The following SKAP2 variants were observed in gnomAD, a reference collection of about 807,000 sequenced individuals.
SKAP2 encodes the protein src kinase associated phosphoprotein 2, also known as src kinase-associated phosphoprotein 2.
In SKAP2, 28 loss-of-function variants were observed where a neutral mutation model predicts 54.9. The observed-to-expected ratio is 0.51, with a 90% CI of 0.38 to 0.70. The LOEUF is 0.70. Ranked by LOEUF, SKAP2 falls within the 30% of genes least tolerant of loss-of-function variation. The pLI is 0.00. For missense variants in SKAP2, 356 were observed against 424.1 expected (o/e 0.84, Z 1.41); for synonymous variants, 137 against 134.3 (o/e 1.02, Z -0.14).
At chr7:26,743,968 T>G (rs912034376) in intron 4 of SKAP2, among the ~76,000 whole-genome samples, 2 of 152,160 alleles carry the variant, frequency 1.3e-5, no homozygotes, top group Non-Finnish European at 2.9e-5. Context: ...AGAATGTGCC[T>G]TAAAGCTTTT....
At chr7:26,853,747 C>G (rs971691337) in intron 3 of SKAP2, among the ~76,000 whole-genome samples, 1 of 152,148 alleles carries the variant, frequency 6.6e-6, no homozygotes, top group Admixed American at 6.5e-5. Flanking sequence ...GACCTTCTCC[C>G]ACCACCACTA....
Position 26,729,530 on chromosome 7 carries a change from G to A in SKAP2, c.470-2524C>T, listed in dbSNP as rs1787777914. ...ATAAAAAGAGGAAAGGCTGAGACAA[G>A]TAGAAATTAAAATGAAACTGGCAAA... On this transcript the variant is annotated intron_variant, in intron 6 of 12. Transcript: ENST00000345317. Among the ~76,000 whole-genome samples, 8 of 152,220 alleles carry A rather than the reference G, an allele frequency of 5.3e-5. No individual in the cohort carries two copies. In the South Asian group the frequency reaches 1.7e-3, roughly 32 times the overall value.
the SKAP2 span, among the ~76,000 whole-genome samples, chr7:26,661,743 G>A: frequency 6.6e-6 from 1 of 152,144 alleles, no homozygotes; most frequent in Non-Finnish European, 1.5e-5. Flanking sequence ...ATTATTTCAA[G>A]TAGTATTACA....
chr7:26,758,850 ATG>A (rs1782861467), intron 4 of SKAP2, among the ~76,000 whole-genome samples: 1 of 152,348 alleles, frequency 6.6e-6, no homozygotes, highest in South Asian at 2.1e-4. Context: ...AAAAATCTCC[ATG>A]TGCTTACAGA....
At chr7:26,713,314 C>T (rs893509237) in intron 9 of SKAP2, among the ~76,000 whole-genome samples, 1 of 152,206 alleles carries the variant, frequency 6.6e-6, no homozygotes. Context: ...TCACCTACTA[C>T]AATCTGTAAC....
intron 4 of SKAP2, among the ~76,000 whole-genome samples, chr7:26,781,556 T>G (rs1783425348): frequency 6.6e-6 from 1 of 152,194 alleles, no homozygotes; most frequent in South Asian, 2.1e-4. Context: ...GACTTATTAA[T>G]GGACACCTTT....
intron 4 of SKAP2, among the ~76,000 whole-genome samples, chr7:26,756,898 T>C (rs1782806348): frequency 6.6e-6 from 1 of 152,238 alleles, no homozygotes; most frequent in Non-Finnish European, 1.5e-5. Flanking sequence ...GGTATCTCAT[T>C]GTGGTTTCGA....
intron 4 of SKAP2, among the ~76,000 whole-genome samples, chr7:26,819,346 T>C (rs1009501882): frequency 5.3e-5 from 8 of 152,050 alleles, no homozygotes; most frequent in Non-Finnish European, 8.8e-5. Context: ...ATGTTCTCAC[T>C]CATAAGTAGG....
intron 4 of SKAP2, among the ~76,000 whole-genome samples, chr7:26,817,633 T>C (rs1208355890): frequency 6.6e-6 from 1 of 151,904 alleles, no homozygotes; most frequent in Non-Finnish European, 1.5e-5. Flanking sequence ...GTTTATTTCT[T>C]TTTAAAAAAT....
rs755716817 is a variant in SKAP2 at position 26,684,724 on chromosome 7, G to A, written c.987+12C>T. The A allele has an allele frequency of 2.6e-6, 4 of 1,532,002 alleles. No homozygotes were observed. The South Asian group carries it at 3.4e-5, about 13-fold the overall frequency. The allele number at this position is 1,532,002 out of a possible 1,614,324, so 94.9% of individuals were successfully genotyped here. A position where few individuals can be genotyped will look rare whatever the true frequency, so the allele number is the denominator to read the frequency against. ...CCCTCTTTACAAACGTCATTTTGGG[G>A]TATCTTCTTACCTTGCTAAGAATGT... On this transcript the variant is annotated intron_variant, in intron 11 of 12. Coordinates refer to ENST00000345317, the MANE Select transcript of SKAP2 (RefSeq NM_003930.5).
intron 4 of SKAP2, among the ~76,000 whole-genome samples, chr7:26,775,798 G>A (rs2127976581): frequency 6.6e-6 from 1 of 152,094 alleles, no homozygotes; most frequent in East Asian, 1.9e-4. Context: ...GTAACCTTTA[G>A]GGATTGACTT....
intron 4 of SKAP2, among the ~76,000 whole-genome samples, chr7:26,833,038 A>G (rs568613510): frequency 2.6e-5 from 4 of 152,246 alleles, no homozygotes; most frequent in Non-Finnish European, 5.9e-5. Flanking sequence ...CTCCATGAGC[A>G]TTGCAACCAA....
intron 4 of SKAP2, among the ~76,000 whole-genome samples, chr7:26,765,415 GGT>G (rs1783030822): frequency 6.6e-6 from 1 of 152,060 alleles, no homozygotes; most frequent in Non-Finnish European, 1.5e-5. Context: ...CCATTCTGTA[GGT>G]TGTCTCCTCA....
chr7:26,772,584 T>A (rs939584605), intron 4 of SKAP2, among the ~76,000 whole-genome samples: 5 of 152,234 alleles, frequency 3.3e-5, no homozygotes, highest in African/African-American at 4.8e-5. Context: ...CTGCATAGTA[T>A]TCTGATATAT....
At chr7:26,834,934 T>C (rs1231521976) in intron 4 of SKAP2, among the ~76,000 whole-genome samples, 1 of 152,044 alleles carries the variant, frequency 6.6e-6, no homozygotes, top group Admixed American at 6.6e-5. Flanking sequence ...AACATTGATG[T>C]AAAAATCCTC....
intron 4 of SKAP2, among the ~76,000 whole-genome samples, chr7:26,820,606 A>T (rs1784367548): frequency 6.6e-6 from 1 of 152,166 alleles, no homozygotes; most frequent in East Asian, 1.9e-4. Flanking sequence ...CCAAATAAAA[A>T]AGATCACAGA....
intron 4 of SKAP2, among the ~76,000 whole-genome samples, chr7:26,834,118 C>A (rs1370301287): frequency 6.6e-6 from 1 of 152,076 alleles, no homozygotes; most frequent in Admixed American, 6.6e-5. Context: ...GAAATTAAGG[C>A]AGAAATAAAT....
intron 11 of SKAP2, among the ~76,000 whole-genome samples, chr7:26,682,008 A>T (rs1049686311): frequency 6.7e-6 from 1 of 150,160 alleles, no homozygotes; most frequent in Non-Finnish European, 1.5e-5. Flanking sequence ...TAGATGGCGT[A>T]AAAAAAAACA....
At chr7:26,805,279 A>G (rs1784002247) in intron 4 of SKAP2, among the ~76,000 whole-genome samples, 1 of 152,230 alleles carries the variant, frequency 6.6e-6, no homozygotes, top group African/African-American at 2.4e-5. Context: ...ACAGTTGTAT[A>G]CCATAATTTT....
Sources: gnomAD v4.1 joint callset for allele counts (sites outside exome capture counted in the v4.1 genomes callset) on GRCh38, gnomAD v4.1.1 for gene constraint, MANE v1.5 for transcripts, NCBI Gene and HGNC (gene_info 2026-07-23, HGNC 2026-07-21) for gene names.